QTMAN: variants seen among roughly 807,000 people sequenced by gnomAD.
QTMAN encodes the protein tRNA-queuosine alpha-mannosyltransferase.
the QTMAN span, among the ~76,000 whole-genome samples, chr2:144,034,513 T>TA: frequency 6.6e-6 from 1 of 152,204 alleles, no homozygotes; most frequent in African/African-American, 2.4e-5. Flanking sequence ...AGGCTTCATT[T>TA]AAAAAATGAG....
At chr2:144,058,758 A>G in the QTMAN span, among the ~76,000 whole-genome samples, 82 of 152,204 alleles carry the variant, frequency 5.4e-4, no homozygotes, top group East Asian at 0.014. Flanking sequence ...ATTTCTCTGG[A>G]CTTTTTTATC....
chr2:144,150,829 A>G, the QTMAN span, among the ~76,000 whole-genome samples: 1 of 152,174 alleles, frequency 6.6e-6, no homozygotes, highest in Non-Finnish European at 1.5e-5. Context: ...TATCACCCAT[A>G]ACTATTCCAA....
chr2:144,031,305 G>A, the QTMAN span, among the ~76,000 whole-genome samples: 1 of 151,870 alleles, frequency 6.6e-6, no homozygotes, highest in Admixed American at 6.6e-5. Flanking sequence ...GATACCCTTT[G>A]GTACTAATCC....
chr2:144,203,541 C>T, the QTMAN span, among the ~76,000 whole-genome samples: 1 of 151,940 alleles, frequency 6.6e-6, no homozygotes, highest in African/African-American at 2.4e-5. Context: ...TACAGGATGG[C>T]GAAGCTAGTA....
the QTMAN span, among the ~76,000 whole-genome samples, chr2:144,028,988 A>G: frequency 6.6e-6 from 1 of 152,176 alleles, no homozygotes; most frequent in Non-Finnish European, 1.5e-5. Context: ...GTAGCAAAAT[A>G]CCTTTAGAAT....
chr2:143,970,091 G>T, the QTMAN span, among the ~76,000 whole-genome samples: 2 of 152,150 alleles, frequency 1.3e-5, no homozygotes, highest in African/African-American at 4.8e-5. Flanking sequence ...GAAGGAAATG[G>T]CTCTTTGAAA....
chr2:144,130,265 G>A, the QTMAN span, among the ~76,000 whole-genome samples: 1 of 151,732 alleles, frequency 6.6e-6, no homozygotes, highest in Non-Finnish European at 1.5e-5. Flanking sequence ...CTCCTATTAG[G>A]CCAAAAGTGC....
the QTMAN span, among the ~76,000 whole-genome samples, chr2:144,196,430 A>G: frequency 6.6e-6 from 1 of 152,186 alleles, no homozygotes; most frequent in Non-Finnish European, 1.5e-5. Flanking sequence ...TATCTGTATC[A>G]ATACTGGATA....
chr2:143,942,847 A>G, the QTMAN span: 7 of 163,052 alleles, frequency 4.3e-5, no homozygotes, highest in Non-Finnish European at 1.5e-5. Context: ...GACTCAATCA[A>G]TAATTGAGAA....
chr2:144,312,888 G>GCCT, the QTMAN span, among the ~76,000 whole-genome samples: 1 of 152,110 alleles, frequency 6.6e-6, no homozygotes, highest in Admixed American at 6.5e-5. Flanking sequence ...GTTTCCTGAG[G>GCCT]CCTCCCCAGC....
the QTMAN span, among the ~76,000 whole-genome samples, chr2:144,115,387 A>C: frequency 6.6e-6 from 1 of 152,222 alleles, no homozygotes; most frequent in African/African-American, 2.4e-5. Context: ...AAGTTGGCCA[A>C]TCTTGATTCT....
the QTMAN span, among the ~76,000 whole-genome samples, chr2:144,182,415 T>C: frequency 1.2e-3 from 183 of 151,956 alleles, 2 homozygotes; most frequent in African/African-American, 4.2e-3. Flanking sequence ...CCGAAGTGTG[T>C]GGATCATCTG....
chr2:144,086,827 T>C, the QTMAN span, among the ~76,000 whole-genome samples: 1 of 152,190 alleles, frequency 6.6e-6, no homozygotes, highest in African/African-American at 2.4e-5. Flanking sequence ...GAATGCTTCT[T>C]GGTTCCTCAT....
chr2:144,056,721 A>G, the QTMAN span, among the ~76,000 whole-genome samples: 1 of 152,190 alleles, frequency 6.6e-6, no homozygotes. Flanking sequence ...TGAGTCACAC[A>G]AGAATAAGGA....
chr2:144,284,558 A>G, the QTMAN span, among the ~76,000 whole-genome samples: 1 of 152,170 alleles, frequency 6.6e-6, no homozygotes. Flanking sequence ...TGTTTCCTCA[A>G]TTTCTTTTCT....
chr2:144,126,299 A>G, the QTMAN span, among the ~76,000 whole-genome samples: 10 of 151,902 alleles, frequency 6.6e-5, no homozygotes, highest in African/African-American at 2.2e-4. Flanking sequence ...AAAAAAAACA[A>G]TAACAACAAG....
the QTMAN span, among the ~76,000 whole-genome samples, chr2:144,076,946 C>T: frequency 2.7e-5 from 4 of 149,238 alleles, no homozygotes; most frequent in South Asian, 2.1e-4. Flanking sequence ...AGGTGAGACT[C>T]GGTCTATTAA....
the QTMAN span, among the ~76,000 whole-genome samples, chr2:144,287,062 A>G: frequency 6.6e-6 from 1 of 152,244 alleles, no homozygotes; most frequent in Non-Finnish European, 1.5e-5. Context: ...TTCACTTTAT[A>G]GCTTTCAGGA....
chr2:144,156,556 C>G, the QTMAN span, among the ~76,000 whole-genome samples: 1 of 152,024 alleles, frequency 6.6e-6, no homozygotes, highest in African/African-American at 2.4e-5. Flanking sequence ...TGAGAATTCT[C>G]ATTTTAATAT....
Sources: gnomAD v4.1 joint callset for allele counts (sites outside exome capture counted in the v4.1 genomes callset) on GRCh38, gnomAD v4.1.1 for gene constraint, MANE v1.5 for transcripts, NCBI Gene and HGNC (gene_info 2026-07-23, HGNC 2026-07-21) for gene names.